Variants in CCDC180 observed in about 807,000 individuals in gnomAD.
CCDC180 encodes coiled-coil domain containing 180.
Under a neutral mutation model 209.2 loss-of-function variants are expected in CCDC180, and 154 were observed. The ratio of observed to expected loss-of-function variants is 0.74; its 90% CI spans 0.65 to 0.84. The LOEUF (loss-of-function observed/expected upper bound fraction) is 0.84, where lower values mean the gene tolerates loss of function less well. Ranked by LOEUF, CCDC180 falls within the 40% of genes least tolerant of loss-of-function variation. CCDC180 has a pLI of 0.00. For missense variants in CCDC180, 1,874 were observed against 1,997.3 expected (o/e 0.94, Z 1.18); for synonymous variants, 778 against 749.1 (o/e 1.04, Z -0.63).
intron 31 of CCDC180, 100 bp from the exon 32 acceptor site, chr9:97,369,822 C>T: frequency 1.5e-6 from 2 of 1,348,158 alleles, no homozygotes; most frequent in Non-Finnish European, 2.1e-6. Flanking sequence ...CCAAGATTTT[C>T]TCTTTGGGAA....
At position 97,330,651 on chromosome 9, in the gene CCDC180, AAGG is replaced by A. The variant is rs748812311; in HGVS notation, c.2164_2166del (p.Glu722del). 5 of 1,611,344 alleles carry A rather than the reference AAGG, an allele frequency of 3.1e-6. No homozygotes were observed. Among genetic ancestry groups the A allele is most frequent in the East Asian group, 2.2e-5 (1 of 44,784 alleles). On this transcript the variant is annotated inframe_deletion, in exon 18 of 37. Coordinates refer to ENST00000529487, the MANE Select transcript of CCDC180 (RefSeq NM_020893.6). ...GAATGTGAAGGGTCAAGGAGAAAAG[AAGG>A]AGGAGTCAGAGGAGGAAGATGAGAA...
At position 97,378,014 on chromosome 9, in the gene CCDC180, A is replaced by T. The variant is rs1230682946; in HGVS notation, c.*1120A>T. 1 of 152,200 alleles carries T rather than the reference A, an allele frequency of 6.6e-6. No homozygotes were observed. The highest frequency in any genetic ancestry group is 1.5e-5 in the Non-Finnish European group (1 of 68,062). 9.4% of individuals were successfully genotyped at this position (152,200 alleles called of 1,614,324 possible). ...CGGGGCCAGCTGAGGCAACATGACG[A>T]AACCCCATATCTACTAAAAATACAA... is the stretch of plus-strand genomic sequence containing the variant. On this transcript the variant is annotated 3_prime_UTR_variant, in exon 37 of 37. Transcript: ENST00000529487.
chr9:97,337,511 G>C (rs534387186), intron 18 of CCDC180, among the ~76,000 whole-genome samples: 87 of 152,294 alleles, frequency 5.7e-4, no homozygotes, highest in Admixed American at 1.1e-3. Context: ...CAGGGATGAA[G>C]CCAACTTGAT....
At chr9:97,333,503 G>GTTTTTGTTTTTTTTTTTTTT (rs1564157871) in intron 18 of CCDC180, among the ~76,000 whole-genome samples, 2 of 72,850 alleles carry the variant, frequency 2.7e-5, no homozygotes, top group Non-Finnish European at 2.6e-5. Context: ...CTGGGTTTGG[G>GTTTTTGTTTTTTTTTTTTTT]TTTTTTTTTT....
Position 97,308,121 on chromosome 9 carries a change from T to A in CCDC180, c.58T>A (p.Phe20Ile). 1 of 1,604,928 alleles carries A rather than the reference T, an allele frequency of 6.2e-7. No individual in the cohort carries two copies. The highest frequency in any genetic ancestry group is 8.5e-7 in the Non-Finnish European group (1 of 1,175,772). ...VPNGKAYQQI[F>I]QAEVQLVHSL... ...GAATGGGAAAGCCTACCAGCAGATC[T>A]TCCAGGCTGAGGTAGGAGCCGCCCT... The change falls in exon 2 of 37, where the codon TTC becomes ATC. Residue 20 changes from phenylalanine to isoleucine, a missense_variant. Phe to Ile is a conservative substitution (Grantham distance 21). Transcript: ENST00000529487.
In CCDC180 at chr9:97,354,584, A is replaced by T; in HGVS notation, c.3018A>T (p.Gly1006=). The T allele has an allele frequency of 6.2e-7, 1 of 1,614,156 alleles. No homozygotes were observed. The highest frequency in any genetic ancestry group is 1.1e-5 in the South Asian group (1 of 91,086). Residue 1006 remains glycine, a synonymous_variant, in exon 23 of 37, where the codon GGA becomes GGT. Transcript: ENST00000529487. ...TTATTTTCAGATTGTTTTCAGAGGG[A>T]GGCAACTTTTCTCCTAAAGAAATCA... The part of the protein sequence containing the change: ...FIKHCRLFSE[G]GNFSPKEINS...
At chr9:97,345,353 C>T (rs10435867) in intron 19 of CCDC180, among the ~76,000 whole-genome samples, 92,162 of 151,898 alleles carry the variant, frequency 0.61, 28,814 homozygotes, top group African/African-American at 0.74. Flanking sequence ...GAACTTCAAT[C>T]GCTCCACAAC....
intron 20 of CCDC180, 101 bp downstream of exon 20, chr9:97,347,590 T>C (rs1325112123): frequency 2.6e-6 from 3 of 1,161,814 alleles, no homozygotes; most frequent in East Asian, 2.6e-5. Context: ...GTTTGTACCA[T>C]GCAATGTTTA....
intron 27 of CCDC180, 99 bp downstream of exon 27, chr9:97,361,997 C>T (rs1418934992): frequency 1.5e-5 from 21 of 1,421,080 alleles, no homozygotes; most frequent in East Asian, 2.4e-5. Context: ...GGGGTTCCCA[C>T]GTGAGTCCAC....
intron 25 of CCDC180, among the ~76,000 whole-genome samples, chr9:97,359,413 A>G (rs2118858818): frequency 6.6e-6 from 1 of 152,250 alleles, no homozygotes; most frequent in South Asian, 2.1e-4. Flanking sequence ...GGCTGGCTGG[A>G]CAGTCTGCAG....
chr9:97,314,817 T>G (rs1295084240), intron 7 of CCDC180, 34 bp from the exon 8 acceptor site: 53 of 1,597,856 alleles, frequency 3.3e-5, no homozygotes, highest in Non-Finnish European at 4.4e-5. Context: ...CTCCAGGAAG[T>G]GAGCCACTAA....
At chr9:97,373,609 C>G (rs1270131668) in intron 34 of CCDC180, 1 of 152,232 alleles carries the variant, frequency 6.6e-6, no homozygotes, top group Non-Finnish European at 1.5e-5. Context: ...AGTTGCTGCA[C>G]ACCATAATGT....
At chr9:97,370,127 C>T (rs534490574) in intron 32 of CCDC180, 45 bp downstream of exon 32, 1 of 1,584,756 alleles carries the variant, frequency 6.3e-7, no homozygotes, top group Admixed American at 1.8e-5. Context: ...ACCAGGGGAA[C>T]TGGGAGTTCA....
intron 3 of CCDC180, among the ~76,000 whole-genome samples, chr9:97,311,882 G>A (rs985762851): frequency 6.6e-6 from 1 of 152,098 alleles, no homozygotes; most frequent in African/African-American, 2.4e-5. Context: ...CTGAGGGCAG[G>A]GACCCAACCT....
chr9:97,310,233 C>T (rs1468859027), intron 3 of CCDC180, among the ~76,000 whole-genome samples: 1 of 152,200 alleles, frequency 6.6e-6, no homozygotes, highest in Non-Finnish European at 1.5e-5. Flanking sequence ...TGCAGTTGTC[C>T]TTGTAACCTT....
intron 28 of CCDC180, 79 bp from the exon 29 acceptor site, chr9:97,363,972 A>G: frequency 2.1e-6 from 3 of 1,413,874 alleles, no homozygotes; most frequent in Non-Finnish European, 2.0e-6. Context: ...CCAGAAACCC[A>G]GGCAGGGATC....
At chr9:97,312,285 T>C in intron 4 of CCDC180, 84 bp downstream of exon 4, 1 of 1,170,936 alleles carries the variant, frequency 8.5e-7, no homozygotes. Context: ...TCCTGGCAAC[T>C]CCTCTGAGGA....
intron 16 of CCDC180, among the ~76,000 whole-genome samples, chr9:97,328,358 C>G (rs1372540381): frequency 6.6e-6 from 1 of 152,132 alleles, no homozygotes; most frequent in South Asian, 2.1e-4. Context: ...AGGGCTCAAG[C>G]CTGAATGGAC....
chr9:97,357,871 A>G, intron 25 of CCDC180, 146 bp downstream of exon 25: 2 of 588,286 alleles, frequency 3.4e-6, no homozygotes. Flanking sequence ...TTCCTACTTA[A>G]CCCCTGTTTC....
Sources: gnomAD v4.1 joint callset for allele counts (sites outside exome capture counted in the v4.1 genomes callset) on GRCh38, gnomAD v4.1.1 for gene constraint, MANE v1.5 for transcripts, NCBI Gene and HGNC (gene_info 2026-07-23, HGNC 2026-07-21) for gene names.